RSRC2: variants seen among roughly 807,000 people sequenced by gnomAD.
RSRC2 encodes the protein arginine and serine rich coiled-coil 2, also known as arginine/serine-rich coiled-coil protein 2.
Under a neutral mutation model 61.3 loss-of-function variants are expected in RSRC2, and 5 were observed. The ratio of observed to expected loss-of-function variants is 0.08; its 90% CI spans 0.04 to 0.17. The LOEUF is 0.17. Ranked by LOEUF, RSRC2 falls within the 10% of genes least tolerant of loss-of-function variation. RSRC2 has a pLI of 1.00. For missense variants in RSRC2, 381 were observed against 518.8 expected (o/e 0.73, Z 2.58); for synonymous variants, 202 against 166.5 (o/e 1.21, Z -1.64).
At chr12:122,511,235 A>G in intron 6 of RSRC2, 47 bp from the exon 7 acceptor site, 1 of 1,387,134 alleles carries the variant, frequency 7.2e-7, no homozygotes, top group Non-Finnish European at 1.0e-6. Flanking sequence ...ATATAAAACC[A>G]TTATGTATAT....
At chr12:122,523,081 G>A (rs1410946454) in intron 1 of RSRC2, 1 of 152,150 alleles carries the variant, frequency 6.6e-6, no homozygotes, top group Non-Finnish European at 1.5e-5. Flanking sequence ...ACTTAGGAAG[G>A]GTTGGCAAGC....
intron 8 of RSRC2, 122 bp downstream of exon 8, chr12:122,508,096 G>A (rs563279704): frequency 6.8e-4 from 591 of 869,904 alleles, no homozygotes; most frequent in Non-Finnish European, 9.9e-4. Context: ...AGCCACCCGC[G>A]TCTGGCCACC....
At position 122,504,775 on chromosome 12, in the gene RSRC2, C is replaced by T. The variant is rs1958019107; in HGVS notation, c.*752G>A. 6.6e-6 allele frequency: 1 copy of T among 152,600 alleles called. No individual in the cohort carries two copies. Among genetic ancestry groups the T allele is most frequent in the Admixed American group, 6.5e-5 (1 of 15,270 alleles). The allele number at this position is 152,600 out of a possible 1,614,324, so 9.5% of individuals were successfully genotyped here. A position where few individuals can be genotyped will look rare whatever the true frequency, so the allele number is the denominator to read the frequency against. ...TAAAAGTGCTTACATCCCTTTAATG[C>T]ATTAATCTATCTCCTGAATAACACA... On this transcript the variant is annotated 3_prime_UTR_variant, in exon 10 of 10. Transcript: ENST00000331738.
At chr12:122,526,639 A>G (rs1324046405) in intron 1 of RSRC2, among the ~76,000 whole-genome samples, 4 of 152,170 alleles carry the variant, frequency 2.6e-5, no homozygotes, top group Non-Finnish European at 5.9e-5. Flanking sequence ...TGGAAAAAAA[A>G]AGGCACTCCC....
chr12:122,521,544 T>C (rs1339090233), intron 2 of RSRC2, 116 bp from the exon 3 acceptor site: 5 of 812,834 alleles, frequency 6.2e-6, no homozygotes, highest in Non-Finnish European at 1.0e-5. Flanking sequence ...CAATGACTAA[T>C]TTTTTCATGG....
chr12:122,517,034 A>C (rs1271829311), intron 5 of RSRC2, among the ~76,000 whole-genome samples, 193 bp downstream of exon 5: 1 of 152,226 alleles, frequency 6.6e-6, no homozygotes, highest in African/African-American at 2.4e-5. Flanking sequence ...GAGATTTATC[A>C]ATCACGAGAA....
At chr12:122,513,834 T>C in intron 6 of RSRC2, 2 of 985,112 alleles carry the variant, frequency 2.0e-6, no homozygotes, top group Non-Finnish European at 2.4e-6. Flanking sequence ...CAGGTTACAC[T>C]GTGTTACCAG....
chr12:122,508,832 C>T lies in RSRC2; in HGVS notation c.806-385G>A, dbSNP rs1283044051. 2.6e-5 allele frequency among the ~76,000 whole-genome samples: 4 copies of T among 151,702 alleles called. No individual in the cohort carries two copies. In the East Asian group the frequency reaches 5.8e-4, roughly 22 times the overall value. ...TTAGCCGGGCGTGGTGGTACATGCC[C>T]GTAATCTCAGCTACTCGGGAGGCTG... is the stretch of plus-strand genomic sequence containing the variant. On this transcript the variant is annotated intron_variant, in intron 7 of 9. Coordinates refer to ENST00000331738, the MANE Select transcript of RSRC2 (RefSeq NM_023012.6).
chr12:122,507,186 T>A, intron 8 of RSRC2: 1 of 432,032 alleles, frequency 2.3e-6, no homozygotes, highest in Non-Finnish European at 4.2e-6. Flanking sequence ...GAGACTAGCC[T>A]GGATGACTAG....
intron 9 of RSRC2, chr12:122,506,538 A>G (rs1958125450): frequency 3.9e-6 from 1 of 254,610 alleles, no homozygotes; most frequent in African/African-American, 2.2e-5. Context: ...TGAGCCTCGA[A>G]GTTTAAGGCT....
chr12:122,510,517 A>G (rs1256949492), intron 7 of RSRC2, among the ~76,000 whole-genome samples: 1 of 151,442 alleles, frequency 6.6e-6, no homozygotes, highest in Non-Finnish European at 1.5e-5. Flanking sequence ...CGATGGAGCG[A>G]GACTCCGTAA....
chr12:122,523,805 G>A (rs1474644140), intron 1 of RSRC2: 4 of 150,494 alleles, frequency 2.7e-5, no homozygotes, highest in African/African-American at 2.5e-5. Context: ...GTTGTGAGAG[G>A]TCGAGTTACT....
Position 122,519,039 on chromosome 12 carries a change from G to A in RSRC2, c.208-10C>T, listed in dbSNP as rs1593407485. The A allele has an allele frequency of 1.2e-6, 2 of 1,611,754 alleles. No homozygotes were observed. The highest frequency in any genetic ancestry group is 1.7e-6 in the Non-Finnish European group (2 of 1,179,366). ...ATTCATGTCTTCTTCCCTGTTTTAAGAAGAAGTTGGTTCTTTCAGGAAAAT... is the reference window on the plus strand; with the variant it reads ...ATTCATGTCTTCTTCCCTGTTTTAAAAAGAAGTTGGTTCTTTCAGGAAAAT... On this transcript the variant is annotated splice_polypyrimidine_tract_variant and intron_variant, in intron 3 of 9. Coordinates refer to ENST00000331738, the MANE Select transcript of RSRC2 (RefSeq NM_023012.6).
At chr12:122,512,230 TAAC>T (rs1958576808) in intron 6 of RSRC2, among the ~76,000 whole-genome samples, 1 of 152,168 alleles carries the variant, frequency 6.6e-6, no homozygotes, top group Non-Finnish European at 1.5e-5. Flanking sequence ...ATATAGCAAA[TAAC>T]AAGTAACATT....
intron 9 of RSRC2, chr12:122,506,571 C>T: frequency 2.7e-6 from 1 of 365,886 alleles, no homozygotes; most frequent in Non-Finnish European, 5.0e-6. Context: ...GACTGCACCA[C>T]TGTACTCCAG....
intron 6 of RSRC2, chr12:122,514,753 G>T: frequency 8.9e-7 from 1 of 1,126,392 alleles, no homozygotes; most frequent in Non-Finnish European, 1.2e-6. Context: ...AAAACAAAAA[G>T]TAAAGGAAAA....
Position 122,518,811 on chromosome 12 carries a change from TACTACATTATAATAC to T in RSRC2, c.398+13_398+27del. 2 of 1,549,484 alleles carry T rather than the reference TACTACATTATAATAC, an allele frequency of 1.3e-6. No individual in the cohort carries two copies. The highest frequency in any genetic ancestry group is 2.2e-5 in the South Asian group (2 of 89,786). Reference sequence around the variant, plus strand: ...AAACTTTATGTAACTTGTTAGAAGGTACTACATTATAATACAACATGACTTACCTTTCACGAGACC... The same window carrying T: ...AAACTTTATGTAACTTGTTAGAAGGTAACATGACTTACCTTTCACGAGACC... On this transcript the variant is annotated intron_variant, in intron 4 of 9. Transcript: ENST00000331738.
intron 1 of RSRC2, chr12:122,522,684 C>G (rs1457421697): frequency 1.3e-5 from 2 of 156,326 alleles, no homozygotes; most frequent in Admixed American, 6.5e-5. Context: ...TTTAAATTAG[C>G]ATACATGTCA....
At chr12:122,517,162 C>T in intron 5 of RSRC2, 65 bp downstream of exon 5, 5 of 1,604,902 alleles carry the variant, frequency 3.1e-6, no homozygotes. Context: ...TACTCTCTTA[C>T]TGAGGAAGAT....
Sources: gnomAD v4.1 joint callset for allele counts (sites outside exome capture counted in the v4.1 genomes callset) on GRCh38, gnomAD v4.1.1 for gene constraint, MANE v1.5 for transcripts, NCBI Gene and HGNC (gene_info 2026-07-23, HGNC 2026-07-21) for gene names.